Variants in ADGRA1 observed in about 807,000 individuals in gnomAD.
ADGRA1 encodes the protein adhesion G protein-coupled receptor A1, also known as G-protein coupled receptor 123.
Under a neutral mutation model 21.3 loss-of-function variants are expected in ADGRA1, and 12 were observed. The observed-to-expected ratio is 0.56, with a 90% CI of 0.36 to 0.91. The LOEUF is 0.91. Among genes scored for constraint, ADGRA1 ranks in the 40% least tolerant of loss-of-function variants. The probability of loss-of-function intolerance (pLI) is 0.01; values close to 1 mark genes in which losing one functional copy is unlikely to be tolerated. For missense variants in ADGRA1, 790 were observed against 805.6 expected, an observed-to-expected ratio of 0.98 and a Z score of 0.23; for synonymous variants, 385 against 368.8, an observed-to-expected ratio of 1.04 and a Z score of -0.50.
At chr10:133,110,500 C>T (rs1851968916) in intron 5 of ADGRA1, among the ~76,000 whole-genome samples, 1 of 152,246 alleles carries the variant, frequency 6.6e-6, no homozygotes, top group South Asian at 2.1e-4. Flanking sequence ...ACCTGCCACG[C>T]CCCAGAGCTG....
chr10:133,129,873 C>T lies in ADGRA1; in HGVS notation c.*362C>T, dbSNP rs1394552525. 9.0e-6 allele frequency: 2 copies of T among 223,354 alleles called. No individual in the cohort carries two copies. 13.8% of individuals were successfully genotyped at this position (223,354 alleles called of 1,614,324 possible). A position where few individuals can be genotyped will look rare whatever the true frequency, so the allele number is the denominator to read the frequency against. On this transcript the variant is annotated 3_prime_UTR_variant, in exon 7 of 7. Coordinates refer to ENST00000392607, the MANE Select transcript of ADGRA1 (RefSeq NM_001083909.3). ...CAGAGCAGGGGATTCCATCAAAGGACCCACTGAGACCCCAGCATGGCCCTG... is the reference window on the plus strand; with the variant it reads ...CAGAGCAGGGGATTCCATCAAAGGATCCACTGAGACCCCAGCATGGCCCTG...
intron 5 of ADGRA1, among the ~76,000 whole-genome samples, chr10:133,118,925 A>G (rs1852205007): frequency 6.6e-6 from 1 of 151,948 alleles, no homozygotes. Context: ...CACCACACAC[A>G]CATGCATTGC....
At chr10:133,107,144 ATTTG>A (rs1300530174) in intron 5 of ADGRA1, among the ~76,000 whole-genome samples, 3 of 151,992 alleles carry the variant, frequency 2.0e-5, no homozygotes, top group Admixed American at 2.0e-4. Flanking sequence ...CAGATTGCTT[ATTTG>A]TTTGTGAACA....
In ADGRA1 at chr10:133,129,420, C is replaced by T. The variant is rs763069143; in HGVS notation, c.1592C>T (p.Pro531Leu). 7 of 1,605,302 alleles carry T rather than the reference C, an allele frequency of 4.4e-6. No homozygotes were observed. The highest frequency in any genetic ancestry group is 1.7e-5 in the Admixed American group (1 of 59,948). The change falls in exon 7 of 7, where the codon CCC becomes CTC. Residue 531 changes from proline (P) to leucine (L), a missense_variant. Coordinates refer to ENST00000392607, the MANE Select transcript of ADGRA1 (RefSeq NM_001083909.3). ...GGTGGCCCCAGCCAGAACGGGCTGC[C>T]CAAGGGTAAATTGCTAGAAGGCCTG... ...PFGGPSQNGL[P>L]KGKLLEGLPF...
At chr10:133,127,885 C>T (rs1242040866) in intron 6 of ADGRA1, among the ~76,000 whole-genome samples, 1 of 127,352 alleles carries the variant, frequency 7.9e-6, no homozygotes, top group African/African-American at 3.0e-5. Flanking sequence ...CCGCCTGGCC[C>T]CGCCCACCCC....
chr10:133,128,980 C>T lies in ADGRA1; in HGVS notation c.1152C>T (p.Cys384=), dbSNP rs35340831. The T allele has an allele frequency of 9.6e-6, 15 of 1,561,942 alleles. 1 individual carries two copies. In the African/African-American group the frequency reaches 1.1e-4, roughly 11 times the overall value. The change falls in exon 7 of 7, where the codon TGC becomes TGT. Residue 384 remains cysteine (C), a synonymous_variant. Transcript: ENST00000392607. ...GCCTGTCACCGGCCACCCCGTGCTGCGCCAAGATGCACTGCGAGCCACTGA... is the reference window on the plus strand; with the variant it reads ...GCCTGTCACCGGCCACCCCGTGCTGTGCCAAGATGCACTGCGAGCCACTGA... ...ASCLSPATPC[C]AKMHCEPLTA...
At chr10:133,112,574 G>C (rs1852065267) in intron 5 of ADGRA1, among the ~76,000 whole-genome samples, 1 of 148,006 alleles carries the variant, frequency 6.8e-6, no homozygotes, top group African/African-American at 2.5e-5. Context: ...TCGGTTATTT[G>C]AGGTCTGCGG....
At chr10:133,121,684 G>T (rs1200972880) in intron 5 of ADGRA1, among the ~76,000 whole-genome samples, 1 of 150,286 alleles carries the variant, frequency 6.7e-6, no homozygotes, top group African/African-American at 2.5e-5. Flanking sequence ...ATGTGTGCAT[G>T]TGAGTGCCTG....
At position 133,116,150 on chromosome 10, in the gene ADGRA1, C is replaced by T. The variant is rs561473863; in HGVS notation, c.402-11083C>T. ...CTCGTGGAGCCCAGGCCCCTTGCCC[C>T]CCTACCCTGGGCCGCTGCCCAGTGC... On this transcript the variant is annotated intron_variant, in intron 5 of 6. Transcript: ENST00000392607. Among the ~76,000 whole-genome samples, 7 of 152,318 alleles carry T rather than the reference C, an allele frequency of 4.6e-5. No individual in the cohort carries two copies. In the South Asian group the frequency reaches 1.4e-3, roughly 32 times the overall value.
chr10:133,111,341 CCA>C (rs1852000500), intron 5 of ADGRA1, among the ~76,000 whole-genome samples: 1 of 100,412 alleles, frequency 1.0e-5, no homozygotes, highest in Non-Finnish European at 1.9e-5. Flanking sequence ...CACCTGCCCA[CCA>C]CAGGCACCTC....
intron 1 of ADGRA1, 51 bp from the exon 2 acceptor site, chr10:133,088,657 C>A: frequency 2.6e-6 from 3 of 1,146,054 alleles, no homozygotes; most frequent in Non-Finnish European, 3.3e-6. Flanking sequence ...CTGCGAGCTG[C>A]CCTCCGCGGG....
At chr10:133,110,546 C>T (rs905134749) in intron 5 of ADGRA1, among the ~76,000 whole-genome samples, 2 of 152,148 alleles carry the variant, frequency 1.3e-5, no homozygotes, top group African/African-American at 2.4e-5. Flanking sequence ...TGCACAGGGT[C>T]GAATGTTCAG....
intron 5 of ADGRA1, 130 bp from the exon 6 acceptor site, chr10:133,127,103 T>A (rs377291550): frequency 1.8e-4 from 95 of 529,658 alleles, no homozygotes; most frequent in African/African-American, 1.7e-3. Flanking sequence ...GGGGTCGGGG[T>A]TCTTGGTCTC....
chr10:133,121,541 AGT>A (rs372963791), intron 5 of ADGRA1, among the ~76,000 whole-genome samples: 2,722 of 133,452 alleles, frequency 0.02, 68 homozygotes, highest in African/African-American at 0.074. Flanking sequence ...CCAGTGTGCC[AGT>A]GTGTGTGTGA....
chr10:133,122,198 G>C (rs1335655170), intron 5 of ADGRA1, among the ~76,000 whole-genome samples: 2 of 152,246 alleles, frequency 1.3e-5, no homozygotes, highest in African/African-American at 4.8e-5. Context: ...GGGCTGCCCT[G>C]GGTGGCACCT....
At chr10:133,110,655 A>C (rs2135887669) in intron 5 of ADGRA1, among the ~76,000 whole-genome samples, 1 of 152,354 alleles carries the variant, frequency 6.6e-6, no homozygotes, top group South Asian at 2.1e-4. Context: ...AAATACTGGA[A>C]GAAAAAGAAT....
chr10:133,111,250 C>G, intron 5 of ADGRA1, among the ~76,000 whole-genome samples: 1 of 111,150 alleles, frequency 9.0e-6, no homozygotes, highest in African/African-American at 5.0e-5. Flanking sequence ...ACCAGACAAC[C>G]TGCCCACCAC....
In ADGRA1 at chr10:133,131,550, C is replaced by A. The variant is rs1426080079; in HGVS notation, c.*2039C>A. 6.6e-6 allele frequency: 1 copy of A among 152,462 alleles called. No individual in the cohort carries two copies. The highest frequency in any genetic ancestry group is 2.4e-5 in the African/African-American group (1 of 41,452). 9.4% of individuals were successfully genotyped at this position (152,462 alleles called of 1,614,324 possible). A position where few individuals can be genotyped will look rare whatever the true frequency, so the allele number is the denominator to read the frequency against. On this transcript the variant is annotated 3_prime_UTR_variant, in exon 7 of 7. Transcript: ENST00000392607. Reference sequence around the variant, plus strand: ...TGGATCCTGGGGCAGGGCTGCTCTCCCTGGCCCCTGCAGCCCCTCATGAAC... The same window carrying A: ...TGGATCCTGGGGCAGGGCTGCTCTCACTGGCCCCTGCAGCCCCTCATGAAC...
intron 2 of ADGRA1, chr10:133,089,122 G>T (rs1253205396): frequency 2.2e-6 from 2 of 910,534 alleles, no homozygotes; most frequent in Non-Finnish European, 1.4e-6. Flanking sequence ...CGCGTGCTGG[G>T]TGCTGATCAT....
Sources: gnomAD v4.1 joint callset for allele counts (sites outside exome capture counted in the v4.1 genomes callset) on GRCh38, gnomAD v4.1.1 for gene constraint, MANE v1.5 for transcripts, NCBI Gene and HGNC (gene_info 2026-07-23, HGNC 2026-07-21) for gene names.